Variants in OPCML observed in about 807,000 individuals in gnomAD.
The protein encoded by OPCML is opioid-binding protein/cell adhesion molecule.
In OPCML, 13 loss-of-function variants were observed where a neutral mutation model predicts 37.8. The ratio of observed to expected loss-of-function variants is 0.34; its 90% CI spans 0.22 to 0.55. The LOEUF is 0.55. OPCML is among the 20% of genes least tolerant of loss of function. The pLI is 0.91. For missense variants in OPCML, 341 were observed against 435.6 expected (o/e 0.78, Z 1.93); for synonymous variants, 176 against 168.8 (o/e 1.04, Z -0.33).
chr11:133,074,125 A>C (rs1257569564), intron 1 of OPCML, among the ~76,000 whole-genome samples: 1 of 152,238 alleles, frequency 6.6e-6, no homozygotes, highest in East Asian at 1.9e-4. Flanking sequence ...ATACAGAATA[A>C]GTCAATCCAC....
rs1230172475 is a variant in OPCML, at chr11:132,885,044, G to A, written c.146+57882C>T. On this transcript the variant is annotated intron_variant, in intron 2 of 7. Coordinates refer to ENST00000524381, the MANE Select transcript of OPCML (RefSeq NM_001012393.5). ...TGGACAGCATCTACCTGGACCACAC[G>A]CTGTGCCTTCTCCTCCACTCCCTCT... is the stretch of plus-strand genomic sequence containing the variant. 4.6e-5 allele frequency among the ~76,000 whole-genome samples: 7 copies of A among 152,304 alleles called. No homozygotes were observed. The South Asian group carries it at 1.2e-3, about 27-fold the overall frequency.
chr11:132,420,152 A>G lies in OPCML; in HGVS notation c.*41T>C. Reference sequence around the variant, plus strand: ...CGCAGTGTAGATTAAAGTCTGTGATATGGAGAAGCAGGCGTTGCTCAGAGG... The same window carrying G: ...CGCAGTGTAGATTAAAGTCTGTGATGTGGAGAAGCAGGCGTTGCTCAGAGG... On this transcript the variant is annotated 3_prime_UTR_variant, in exon 8 of 8. Transcript: ENST00000524381. 1 of 1,568,300 alleles carries G rather than the reference A, an allele frequency of 6.4e-7. No individual in the cohort carries two copies. The highest frequency in any genetic ancestry group is 8.8e-7 in the Non-Finnish European group (1 of 1,139,326).
intron 1 of OPCML, among the ~76,000 whole-genome samples, chr11:133,082,809 G>A (rs1948754328): frequency 6.7e-6 from 1 of 148,406 alleles, no homozygotes; most frequent in Non-Finnish European, 1.5e-5. Flanking sequence ...TCGCGGCCCG[G>A]GCGGGGCCCA....
chr11:133,307,530 T>C (rs1274965732), intron 1 of OPCML, among the ~76,000 whole-genome samples: 1 of 152,212 alleles, frequency 6.6e-6, no homozygotes, highest in Non-Finnish European at 1.5e-5. Flanking sequence ...CCTTTCTTTT[T>C]CTTTTGGCTG....
At chr11:133,323,811 C>T (rs567557077) in intron 1 of OPCML, among the ~76,000 whole-genome samples, 36 of 152,342 alleles carry the variant, frequency 2.4e-4, no homozygotes, top group South Asian at 6.2e-4. Flanking sequence ...GGGGCATGCT[C>T]CCACATCCCA....
rs117214651 is a variant in OPCML at position 133,276,167 on chromosome 11, G to C, written c.61+256097C>G. Reference sequence around the variant, plus strand: ...GGAAATATTTTTTATTAGTGGCAAAGAGGGAAAATGAGGGAAAGATAGAAT... The same window carrying C: ...GGAAATATTTTTTATTAGTGGCAAACAGGGAAAATGAGGGAAAGATAGAAT... On this transcript the variant is annotated intron_variant, in intron 1 of 7. Transcript: ENST00000524381. Among the ~76,000 whole-genome samples, 20 of 152,286 alleles carry C rather than the reference G, an allele frequency of 1.3e-4. 1 individual carries two copies. The East Asian group carries it at 3.7e-3, about 28-fold the overall frequency.
chr11:133,188,541 G>T (rs1044444905), intron 1 of OPCML, among the ~76,000 whole-genome samples: 7 of 152,084 alleles, frequency 4.6e-5, no homozygotes, highest in Non-Finnish European at 1.0e-4. Flanking sequence ...TTAAAAAAAA[G>T]TTTGAGATGT....
chr11:132,490,815 A>AAAAAG (rs1296154033), intron 4 of OPCML, among the ~76,000 whole-genome samples: 1 of 150,352 alleles, frequency 6.7e-6, no homozygotes, highest in Non-Finnish European at 1.5e-5. Flanking sequence ...TATCTCAAAA[A>AAAAAG]AAAAGAAAAA....
rs542180556 is a variant in OPCML, at chr11:132,981,309, T to A, written c.62-38299A>T. Among the ~76,000 whole-genome samples the A allele has an allele frequency of 6.6e-5, 10 of 152,252 alleles. No individual in the cohort carries two copies. In the South Asian group the frequency reaches 2.1e-3, roughly 32 times the overall value. ...ATGATTAGGATGTGGTTTCTGTAGATAAGGCCACGTGGTGGTTAGAGCAAA... is the reference window on the plus strand; with the variant it reads ...ATGATTAGGATGTGGTTTCTGTAGAAAAGGCCACGTGGTGGTTAGAGCAAA... On this transcript the variant is annotated intron_variant, in intron 1 of 7. Coordinates refer to ENST00000524381, the MANE Select transcript of OPCML (RefSeq NM_001012393.5).
chr11:132,883,039 T>C (rs955273052), intron 2 of OPCML, among the ~76,000 whole-genome samples: 1 of 152,138 alleles, frequency 6.6e-6, no homozygotes, highest in Non-Finnish European at 1.5e-5. Flanking sequence ...TGAAAAAGAA[T>C]TCATGGAGGC....
At chr11:133,491,150 G>A (rs1362025180) in intron 1 of OPCML, among the ~76,000 whole-genome samples, 2 of 152,182 alleles carry the variant, frequency 1.3e-5, no homozygotes, top group African/African-American at 4.8e-5. Context: ...GTGCAGTGTC[G>A]GATGATGCCC....
At position 132,437,257 on chromosome 11, in the gene OPCML, G is replaced by A. The variant is rs1012703187; in HGVS notation, c.608C>T (p.Ala203Val). 8.1e-6 allele frequency: 13 copies of A among 1,614,028 alleles called. No individual in the cohort carries two copies. Among genetic ancestry groups the A allele is most frequent in the Admixed American group, 3.3e-5 (2 of 59,990 alleles). Residue 203 changes from alanine (A) to valine (V), a missense_variant, in exon 5 of 8, where the codon GCG becomes GTG. Physicochemically the swap from Ala to Val is moderately conservative, Grantham distance 64 (BLOSUM62 0). Coordinates refer to ENST00000524381, the MANE Select transcript of OPCML (RefSeq NM_001012393.5). The stretch of plus-strand genomic sequence containing the variant: ...GATTTTTACTTTCCGCACATCGGGC[G>A]CAGCGACATCGTTCAACGCGCTGCA... ...YECSALNDVA[A>V]PDVRKVKITV... is the part of the protein sequence containing the mutation.
intron 1 of OPCML, among the ~76,000 whole-genome samples, chr11:133,165,337 C>T (rs761743854): frequency 1.1e-4 from 16 of 152,136 alleles, no homozygotes; most frequent in Non-Finnish European, 2.2e-4. Flanking sequence ...CTCAGGTATA[C>T]AGGGTCTGGA....
intron 2 of OPCML, among the ~76,000 whole-genome samples, chr11:132,795,551 T>C (rs1938255186): frequency 6.6e-6 from 1 of 152,162 alleles, no homozygotes; most frequent in South Asian, 2.1e-4. Context: ...TCCCCATTTG[T>C]CCCCAAGTCT....
At chr11:132,964,177 G>T (rs990833523) in intron 1 of OPCML, among the ~76,000 whole-genome samples, 1 of 152,194 alleles carries the variant, frequency 6.6e-6, no homozygotes, top group Non-Finnish European at 1.5e-5. Context: ...AGAGAAGAAG[G>T]ATATATAAGT....
intron 3 of OPCML, among the ~76,000 whole-genome samples, chr11:132,622,118 C>T (rs1268270108): frequency 6.6e-6 from 1 of 151,892 alleles, no homozygotes; most frequent in African/African-American, 2.4e-5. Context: ...TATTTGCTTT[C>T]TGTTCCAAGA....
chr11:132,771,862 A>G (rs1322931726), intron 2 of OPCML: 6 of 152,234 alleles, frequency 3.9e-5, no homozygotes, highest in African/African-American at 9.6e-5. Context: ...GTTACATCTC[A>G]TCTCTATTTA....
At chr11:133,386,780 G>A (rs2136797646) in intron 1 of OPCML, among the ~76,000 whole-genome samples, 1 of 152,118 alleles carries the variant, frequency 6.6e-6, no homozygotes, top group Middle Eastern at 3.4e-3. Context: ...TTCACAGAAG[G>A]GCCATGCTTC....
At chr11:132,482,406 T>G (rs866317754) in intron 4 of OPCML, among the ~76,000 whole-genome samples, 4,657 of 150,236 alleles carry the variant, frequency 0.031, 238 homozygotes, top group African/African-American at 0.11. Flanking sequence ...AATAACAGGA[T>G]CTGAAATTGT....
Sources: allele counts gnomAD v4.1 joint callset (sites outside exome capture counted in the v4.1 genomes callset), GRCh38; gene constraint gnomAD v4.1.1; transcripts MANE v1.5; gene names NCBI Gene and HGNC (gene_info 2026-07-23, HGNC 2026-07-21).